Variants in GPBP1 observed in about 807,000 individuals in gnomAD.
The protein encoded by GPBP1 is GC-rich promoter binding protein 1, also known as vasculin.
GPBP1 carries 13 observed loss-of-function variants against 56.5 expected under a neutral mutation model. The ratio of observed to expected loss-of-function variants is 0.23; its 90% CI spans 0.15 to 0.37. The LOEUF (loss-of-function observed/expected upper bound fraction) is 0.37. Among genes scored for constraint, GPBP1 ranks in the 10% least tolerant of loss-of-function variants. The probability of loss-of-function intolerance (pLI) is 1.00; values close to 1 mark genes in which losing one functional copy is unlikely to be tolerated. For synonymous variants in GPBP1, 204 were observed against 188.9 expected (o/e 1.08, Z -0.66); for missense variants, 477 against 572.3 (o/e 0.83, Z 1.70).
rs1405847350 is a variant in GPBP1, at chr5:57,243,624, C to G, written c.479-2676C>G. On this transcript the variant is annotated intron_variant, in intron 6 of 11. Transcript: ENST00000506184. ...CTTTAGGAAAGGTGAAATTTGTACT[C>G]AGAAACTATATTGAGGCTTAAAGAT... 3.3e-5 allele frequency among the ~76,000 whole-genome samples: 5 copies of G among 151,416 alleles called. No individual in the cohort carries two copies. In the Admixed American group the frequency reaches 3.3e-4, roughly 10 times the overall value.
intron 2 of GPBP1, among the ~76,000 whole-genome samples, chr5:57,186,034 A>C (rs1754271143): frequency 6.6e-6 from 1 of 152,112 alleles, no homozygotes; most frequent in African/African-American, 2.4e-5. Context: ...ATGTTTTGCA[A>C]ATAATTTCTC....
intron 8 of GPBP1, chr5:57,248,818 A>G (rs1024977893): frequency 6.6e-6 from 1 of 152,234 alleles, no homozygotes; most frequent in African/African-American, 2.4e-5. Context: ...GTTATAATAT[A>G]CATACATTAA....
intron 3 of GPBP1, among the ~76,000 whole-genome samples, chr5:57,219,629 A>G (rs1302378424): frequency 6.6e-6 from 1 of 151,812 alleles, no homozygotes; most frequent in African/African-American, 2.4e-5. Context: ...TTAAGTCAGC[A>G]TTTTCCCCAG....
At chr5:57,239,235 A>G (rs1366850096) in intron 6 of GPBP1, among the ~76,000 whole-genome samples, 1 of 152,234 alleles carries the variant, frequency 6.6e-6, no homozygotes, top group Non-Finnish European at 1.5e-5. Context: ...GGATTTGAGT[A>G]GACAGCTTGA....
intron 2 of GPBP1, among the ~76,000 whole-genome samples, chr5:57,213,387 A>G (rs1755575186): frequency 6.6e-6 from 1 of 151,982 alleles, no homozygotes; most frequent in Non-Finnish European, 1.5e-5. Flanking sequence ...CCACCACACC[A>G]TTATCACATC....
At chr5:57,177,231 G>T (rs1753823997) in intron 2 of GPBP1, among the ~76,000 whole-genome samples, 1 of 152,048 alleles carries the variant, frequency 6.6e-6, no homozygotes, top group Admixed American at 6.6e-5. Context: ...TGACAGGTGA[G>T]AGAGTTATCG....
intron 2 of GPBP1, among the ~76,000 whole-genome samples, chr5:57,187,056 A>G (rs1352086593): frequency 2.7e-5 from 4 of 150,354 alleles, no homozygotes; most frequent in East Asian, 2.0e-4. Context: ...GTTTGTATGT[A>G]TTATGCTAAT....
chr5:57,211,038 G>A (rs1755454083), intron 2 of GPBP1, among the ~76,000 whole-genome samples: 1 of 152,158 alleles, frequency 6.6e-6, no homozygotes, highest in African/African-American at 2.4e-5. Flanking sequence ...CATACACAGG[G>A]AAAGGAAGAA....
chr5:57,249,559 C>G lies in GPBP1; in HGVS notation c.955C>G (p.Arg319Gly), dbSNP rs138655196. 2 of 1,601,876 alleles carry G rather than the reference C, an allele frequency of 1.2e-6. No homozygotes were observed. Among genetic ancestry groups the G allele is most frequent in the Admixed American group, 3.6e-5 (2 of 56,220 alleles). Reference protein sequence around the residue: ...RVEEEHEDESRAGSEKDDDSF... With the variant: ...RVEEEHEDESGAGSEKDDDSF... The stretch of plus-strand genomic sequence containing the variant: ...AGAAGAGGAACATGAAGATGAAAGC[C>G]GTGCTGGCTCAGAGAAGGTAATTGA... The change falls in exon 9 of 12, where the codon CGT (arginine) becomes GGT (glycine). Residue 319 changes from arginine (R) to glycine (G), a missense_variant. Around this residue, in one of 2 missense-constraint regions of GPBP1, gnomAD observed 414 missense variants for 458.2 expected, o/e 0.90. Coordinates refer to ENST00000506184, the MANE Select transcript of GPBP1 (RefSeq NM_022913.4).
chr5:57,231,987 C>T (rs2111858972), intron 5 of GPBP1, among the ~76,000 whole-genome samples: 1 of 152,102 alleles, frequency 6.6e-6, no homozygotes, highest in East Asian at 1.9e-4. Flanking sequence ...CTTGGTTTAT[C>T]TTATTTTTTT....
chr5:57,240,321 A>G (rs1740764352), intron 6 of GPBP1, among the ~76,000 whole-genome samples: 1 of 152,190 alleles, frequency 6.6e-6, no homozygotes, highest in Non-Finnish European at 1.5e-5. Flanking sequence ...GCTTTTGTTG[A>G]TACATTAAAT....
rs956473966 is a variant in GPBP1, at chr5:57,252,501, C to T, written c.1160+1360C>T. 5.9e-5 allele frequency among the ~76,000 whole-genome samples: 9 copies of T among 152,174 alleles called. No homozygotes were observed. The South Asian group carries it at 1.0e-3, about 18-fold the overall frequency. ...TGTCTCCCAGGGTCAAGTGATCCCCCCACCTCAGCCTACCAAGTAGCTGGG... is the reference window on the plus strand; with the variant it reads ...TGTCTCCCAGGGTCAAGTGATCCCCTCACCTCAGCCTACCAAGTAGCTGGG... On this transcript the variant is annotated intron_variant, in intron 10 of 11. Coordinates refer to ENST00000506184, the MANE Select transcript of GPBP1 (RefSeq NM_022913.4).
At chr5:57,177,493 G>A (rs1018970483) in intron 2 of GPBP1, among the ~76,000 whole-genome samples, 1 of 151,880 alleles carries the variant, frequency 6.6e-6, no homozygotes, top group Non-Finnish European at 1.5e-5. Context: ...TTTTATTTGA[G>A]ACCGAGTTTC....
chr5:57,174,644 C>T, intron 1 of GPBP1, among the ~76,000 whole-genome samples: 1 of 152,056 alleles, frequency 6.6e-6, no homozygotes, highest in East Asian at 1.9e-4. Flanking sequence ...AGCAGCGCCT[C>T]AGCTTTCCCC....
chr5:57,239,728 C>G (rs1271265916), intron 6 of GPBP1, among the ~76,000 whole-genome samples: 2 of 152,066 alleles, frequency 1.3e-5, no homozygotes, highest in South Asian at 2.1e-4. Context: ...TGCAGTGAGC[C>G]AAGATCGCGC....
intron 2 of GPBP1, among the ~76,000 whole-genome samples, chr5:57,196,495 A>C (rs967756750): frequency 1.3e-5 from 2 of 152,226 alleles, no homozygotes; most frequent in Non-Finnish European, 2.9e-5. Context: ...GTTGTGTAGC[A>C]TCAGATGCTA....
chr5:57,220,980 T>C (rs1755936298), intron 3 of GPBP1, among the ~76,000 whole-genome samples: 1 of 152,216 alleles, frequency 6.6e-6, no homozygotes, highest in Admixed American at 6.5e-5. Context: ...TTCTGAGTAA[T>C]TGGAACAGAC....
At chr5:57,197,883 A>C (rs1754836286) in intron 2 of GPBP1, among the ~76,000 whole-genome samples, 1 of 151,962 alleles carries the variant, frequency 6.6e-6, no homozygotes, top group African/African-American at 2.4e-5. Flanking sequence ...CATATTTAAG[A>C]ATGAGGCAAT....
chr5:57,177,681 T>C (rs1232237406), intron 2 of GPBP1, among the ~76,000 whole-genome samples: 1 of 124,484 alleles, frequency 8.0e-6, no homozygotes, highest in Non-Finnish European at 1.6e-5. Context: ...TTTTTTTTAG[T>C]AGAGACCTGG....
Sources: gnomAD v4.1 joint callset for allele counts (sites outside exome capture counted in the v4.1 genomes callset) on GRCh38, gnomAD v4.1.1 for gene constraint, gnomAD v4.1.1 regional missense constraint, MANE v1.5 for transcripts, NCBI Gene and HGNC (gene_info 2026-07-23, HGNC 2026-07-21) for gene names.